AGAP1: variants seen among roughly 807,000 people sequenced by gnomAD.
The protein encoded by AGAP1 is ArfGAP with GTPase domain, ankyrin repeat and PH domain 1, also known as arf-GAP with GTPase, ANK repeat and PH domain-containing protein 1.
A neutral mutation model predicts 105.3 loss-of-function variants in AGAP1; 29 were observed. The observed-to-expected ratio is 0.28, with a 90% confidence interval of 0.21 to 0.38. The LOEUF (loss-of-function observed/expected upper bound fraction) is 0.38. Among genes scored for constraint, AGAP1 ranks in the 10% least tolerant of loss-of-function variants. The pLI is 1.00. For synonymous variants in AGAP1, 509 were observed against 485.9 expected, an observed-to-expected ratio of 1.05 and a Z score of -0.63; for missense variants, 998 against 1,165.1, an observed-to-expected ratio of 0.86 and a Z score of 2.09.
intron 1 of AGAP1, among the ~76,000 whole-genome samples, chr2:235,543,069 G>A (rs1315913122): frequency 6.7e-6 from 1 of 149,692 alleles, no homozygotes; most frequent in East Asian, 2.0e-4. Context: ...CCTGGGTATT[G>A]TGCGACCCTG....
intron 1 of AGAP1, among the ~76,000 whole-genome samples, chr2:235,516,341 G>A (rs1205938954): frequency 6.6e-6 from 1 of 152,108 alleles, no homozygotes; most frequent in East Asian, 1.9e-4. Flanking sequence ...AGGCCCAGGA[G>A]CATTATTATT....
At chr2:235,710,186 C>A (rs559145389) in intron 2 of AGAP1, among the ~76,000 whole-genome samples, 3 of 152,274 alleles carry the variant, frequency 2.0e-5, no homozygotes, top group African/African-American at 7.2e-5. Flanking sequence ...TGGACTCCTC[C>A]CCACTGACCC....
rs564126653 is a variant in AGAP1 at position 235,874,344 on chromosome 2, C to G, written c.1051-9001C>G. Among the ~76,000 whole-genome samples, 2 of 152,208 alleles carry G rather than the reference C, an allele frequency of 1.3e-5. No individual in the cohort carries two copies. Among genetic ancestry groups the G allele is most frequent in the Non-Finnish European group, 2.9e-5 (2 of 68,036 alleles). On this transcript the variant is annotated intron_variant, in intron 9 of 17. Coordinates refer to ENST00000304032, the MANE Select transcript of AGAP1 (RefSeq NM_001037131.3). The surrounding 1 kb of genome is among the most constrained non-coding windows in gnomAD (Gnocchi z 4.5). ...GGTTACAGATGTAAGCCACTGTGCC[C>G]GGCCCAGAACCACATTCTTGAGCTG... is the stretch of plus-strand genomic sequence containing the variant.
At chr2:235,870,398 A>G (rs558381083) in intron 9 of AGAP1, among the ~76,000 whole-genome samples, 1 of 152,328 alleles carries the variant, frequency 6.6e-6, no homozygotes, top group African/African-American at 2.4e-5. Flanking sequence ...AGGCTGAGGC[A>G]GGTGGATCAC....
intron 1 of AGAP1, among the ~76,000 whole-genome samples, chr2:235,563,637 C>G (rs1944242608): frequency 6.6e-6 from 1 of 152,088 alleles, no homozygotes; most frequent in Non-Finnish European, 1.5e-5. Flanking sequence ...TCATCCTGTT[C>G]TTGGATAGGG....
chr2:235,818,075 A>G (rs1958563527), intron 9 of AGAP1, among the ~76,000 whole-genome samples: 1 of 152,194 alleles, frequency 6.6e-6, no homozygotes, highest in Non-Finnish European at 1.5e-5. Flanking sequence ...TCCCTGCAAT[A>G]TTTACTCCCT....
chr2:235,999,237 G>A (rs2055967404), intron 13 of AGAP1, among the ~76,000 whole-genome samples: 1 of 150,040 alleles, frequency 6.7e-6, no homozygotes, highest in African/African-American at 2.5e-5. Context: ...GATGGTGAGA[G>A]GTTATAGTGG....
intron 16 of AGAP1, among the ~76,000 whole-genome samples, chr2:236,103,896 T>C (rs1040291310): frequency 6.6e-6 from 1 of 152,210 alleles, no homozygotes; most frequent in African/African-American, 2.4e-5. Context: ...CACCCCGCCA[T>C]CCTGTCTGGC....
chr2:236,014,890 C>T lies in AGAP1; in HGVS notation c.1646-21671C>T, dbSNP rs770849397. ...GCACCAACACTGAAGGTAACGCCTC[C>T]GCACCTCCACCCGCCCACACCTCCA... On this transcript the variant is annotated intron_variant, in intron 13 of 17. Coordinates refer to ENST00000304032, the MANE Select transcript of AGAP1 (RefSeq NM_001037131.3). The surrounding 1 kb of genome is among the most constrained non-coding windows in gnomAD (Gnocchi z 6.3). 1.2e-5 allele frequency: 5 copies of T among 411,440 alleles called. No individual in the cohort carries two copies. Among genetic ancestry groups the T allele is most frequent in the East Asian group, 1.8e-4 (2 of 11,374 alleles). 25.5% of individuals were successfully genotyped at this position (411,440 alleles called of 1,614,324 possible).
At chr2:236,068,576 G>A (rs1014028746) in intron 16 of AGAP1, among the ~76,000 whole-genome samples, 10 of 151,914 alleles carry the variant, frequency 6.6e-5, no homozygotes, top group South Asian at 4.1e-4. Flanking sequence ...CGAGGCGGGC[G>A]GATCACGAGG....
At position 235,842,304 on chromosome 2, in the gene AGAP1, G is replaced by T. The variant is rs1168193758; in HGVS notation, c.1050+34973G>T. 3.3e-5 allele frequency among the ~76,000 whole-genome samples: 5 copies of T among 152,208 alleles called. No homozygotes were observed. Among genetic ancestry groups the T allele is most frequent in the Non-Finnish European group, 7.3e-5 (5 of 68,038 alleles). On this transcript the variant is annotated intron_variant, in intron 9 of 17. Transcript: ENST00000304032. This position sits in a 1 kb window ranked among gnomAD's most constrained non-coding sequence, Gnocchi z 5.3. Reference sequence around the variant, plus strand: ...CGACTGAAAGTTAACGTTTCCTTCAGATATGAATGTAGGCAACGATCCACA... The same window carrying T: ...CGACTGAAAGTTAACGTTTCCTTCATATATGAATGTAGGCAACGATCCACA...
chr2:235,591,371 G>C (rs1387259871), intron 1 of AGAP1, among the ~76,000 whole-genome samples: 2 of 152,224 alleles, frequency 1.3e-5, no homozygotes, highest in Non-Finnish European at 2.9e-5. Context: ...ACGAGGGGGA[G>C]TGGAGTGGGA....
chr2:235,690,303 G>A lies in AGAP1; in HGVS notation c.164-18876G>A, dbSNP rs1321701460. 6.6e-6 allele frequency among the ~76,000 whole-genome samples: 1 copy of A among 150,728 alleles called. No homozygotes were observed. The highest frequency in any genetic ancestry group is 1.5e-5 in the Non-Finnish European group (1 of 67,824). ...CCTCCGCACCCCACCCTTTAAAGGT[G>A]AAAGCAGCAGGTGGGGTGGACTCCT... On this transcript the variant is annotated intron_variant, in intron 1 of 17. Coordinates refer to ENST00000304032, the MANE Select transcript of AGAP1 (RefSeq NM_001037131.3). The surrounding 1 kb of genome is among the most constrained non-coding windows in gnomAD (Gnocchi z 4.1).
intron 1 of AGAP1, among the ~76,000 whole-genome samples, chr2:235,499,571 C>G (rs770152066): frequency 2.6e-5 from 4 of 152,136 alleles, no homozygotes; most frequent in African/African-American, 9.7e-5. Flanking sequence ...TGCCGGCACC[C>G]GGGACCTCCA....
chr2:235,733,678 C>T lies in AGAP1; in HGVS notation c.311-7285C>T, dbSNP rs568551096. On this transcript the variant is annotated intron_variant, in intron 3 of 17. Transcript: ENST00000304032. The surrounding 1 kb of genome is among the most constrained non-coding windows in gnomAD (Gnocchi z 5.0). ...TCGGTTAAATGAAACCATGAGAGAC[C>T]GTGGCCTGCCCAAGGAAATCGTGTT... Among the ~76,000 whole-genome samples, 35 of 152,142 alleles carry T rather than the reference C, an allele frequency of 2.3e-4. No individual in the cohort carries two copies. Among genetic ancestry groups the T allele is most frequent in the Non-Finnish European group, 4.3e-4 (29 of 68,020 alleles).
chr2:235,503,369 G>C (rs1369960874), intron 1 of AGAP1, among the ~76,000 whole-genome samples: 2 of 152,128 alleles, frequency 1.3e-5, no homozygotes, highest in Non-Finnish European at 2.9e-5. Context: ...AGCCGGGATC[G>C]CGTATCTGCT....
intron 1 of AGAP1, among the ~76,000 whole-genome samples, chr2:235,519,572 A>T (rs1345073061): frequency 6.6e-6 from 1 of 152,146 alleles, no homozygotes; most frequent in Non-Finnish European, 1.5e-5. Flanking sequence ...GTGTATGTGT[A>T]TATGTGTTGT....
intron 6 of AGAP1, among the ~76,000 whole-genome samples, chr2:235,762,733 C>A (rs1419641619): frequency 1.3e-5 from 2 of 152,014 alleles, no homozygotes; most frequent in Non-Finnish European, 2.9e-5. Context: ...CTTAGCTGAG[C>A]ATAGTGGTGG....
chr2:235,762,321 GAT>G (rs1419852002), intron 6 of AGAP1, among the ~76,000 whole-genome samples: 1 of 152,088 alleles, frequency 6.6e-6, no homozygotes, highest in Non-Finnish European at 1.5e-5. Context: ...CATGGACTTT[GAT>G]ATTTTTTGCA....
Sources: allele counts gnomAD v4.1 joint callset (sites outside exome capture counted in the v4.1 genomes callset), GRCh38; gene constraint gnomAD v4.1.1; non-coding constraint Gnocchi (gnomAD v3.1); transcripts MANE v1.5; gene names NCBI Gene and HGNC (gene_info 2026-07-23, HGNC 2026-07-21).